Variants in PCBP2 observed in about 807,000 individuals in gnomAD.
PCBP2 encodes poly(rC)-binding protein 2.
In PCBP2, 4 loss-of-function variants were observed where a neutral mutation model predicts 50.1. The ratio of observed to expected loss-of-function variants is 0.08; its 90% CI spans 0.04 to 0.18. PCBP2 has a LOEUF of 0.18. Ranked by LOEUF, PCBP2 falls within the 10% of genes least tolerant of loss-of-function variation. The pLI, the probability that PCBP2 is intolerant of heterozygous loss-of-function variation, is 1.00. For missense variants in PCBP2, 161 were observed against 474.3 expected, an observed-to-expected ratio of 0.34 and a Z score of 6.14; for synonymous variants, 179 against 168.0, an observed-to-expected ratio of 1.07 and a Z score of -0.51.
intron 13 of PCBP2, among the ~76,000 whole-genome samples, chr12:53,469,477 T>G (rs555569732): frequency 1.3e-5 from 2 of 151,924 alleles, no homozygotes; most frequent in East Asian, 2.0e-4. Context: ...TCCCAGCACT[T>G]TGGGAGGCCG....
intron 4 of PCBP2, among the ~76,000 whole-genome samples, 160 bp from the exon 5 acceptor site, chr12:53,455,725 T>A (rs1472388690): frequency 6.6e-6 from 1 of 152,186 alleles, no homozygotes; most frequent in Non-Finnish European, 1.5e-5. Flanking sequence ...TGCTGTAGGC[T>A]ATCTTTGAGG....
intron 8 of PCBP2, 180 bp from the exon 9 acceptor site, chr12:53,464,579 AT>A: frequency 2.7e-6 from 2 of 749,148 alleles, no homozygotes; most frequent in East Asian, 6.1e-5. Context: ...GCAGTGTGAA[AT>A]CTGCCACTAG....
Position 53,462,671 on chromosome 12 carries a change from A to G in PCBP2, c.579+104A>G, listed in dbSNP as rs372477527. Reference sequence around the variant, plus strand: ...CCACTCTGCATGCTTGCTGAAACCTATACTCTGGCCATAGTTTGACCGGCT... The same window carrying G: ...CCACTCTGCATGCTTGCTGAAACCTGTACTCTGGCCATAGTTTGACCGGCT... On this transcript the variant is annotated intron_variant, in intron 8 of 14. Transcript: ENST00000546463. The G allele has an allele frequency of 2.6e-4, 217 of 821,014 alleles. 3 individuals are homozygous for G. The South Asian group carries it at 4.1e-3, about 15-fold the overall frequency. The allele number at this position is 821,014 out of a possible 1,614,324, so 50.9% of individuals were successfully genotyped here. A position where few individuals can be genotyped will look rare whatever the true frequency, so the allele number is the denominator to read the frequency against.
chr12:53,459,441 A>G (rs758216081), intron 6 of PCBP2, 38 bp downstream of exon 6: 9 of 1,580,234 alleles, frequency 5.7e-6, no homozygotes, highest in African/African-American at 2.7e-5. Context: ...AATGTTAACT[A>G]TTTGTTCCAA....
intron 11 of PCBP2, chr12:53,467,517 T>A (rs1017900354): frequency 1.6e-6 from 1 of 626,974 alleles, no homozygotes; most frequent in Non-Finnish European, 2.8e-6. Flanking sequence ...CCTGGAAGGT[T>A]TGGGGGTGAG....
rs569747501 is a variant in PCBP2, at chr12:53,466,171, C to T, written c.714+198C>T. 5.3e-5 allele frequency among the ~76,000 whole-genome samples: 8 copies of T among 152,322 alleles called. No homozygotes were observed. In the East Asian group the frequency reaches 1.5e-3, roughly 29 times the overall value. On this transcript the variant is annotated intron_variant, in intron 10 of 14. Transcript: ENST00000546463. ...TTGTTTGCCTTTTAACATTTAACCC[C>T]TGAAATTTAATTCAGCACATTAGCT... is the stretch of plus-strand genomic sequence containing the variant.
intron 13 of PCBP2, among the ~76,000 whole-genome samples, chr12:53,469,746 C>T (rs1417340443): frequency 3.4e-5 from 5 of 147,002 alleles, no homozygotes; most frequent in Non-Finnish European, 6.0e-5. Context: ...AAAGAAATTC[C>T]TGTACATTTG....
chr12:53,460,388 C>G (rs145383487), intron 6 of PCBP2: 3 of 399,370 alleles, frequency 7.5e-6, no homozygotes, highest in South Asian at 3.5e-5. Flanking sequence ...TCCGATGATT[C>G]GACTGCCTTG....
chr12:53,480,501 A>G lies in PCBP2; in HGVS notation c.*1059A>G, dbSNP rs1039857881. ...GAAAACCCTCAACAGCTGGGCCTGC[A>G]TGGAGTGTTATATTTCAAGGTTTTT... On this transcript the variant is annotated 3_prime_UTR_variant, in exon 15 of 15. Coordinates refer to ENST00000546463, the MANE Select transcript of PCBP2 (RefSeq NM_031989.5). 6.6e-6 allele frequency: 1 copy of G among 152,576 alleles called. No individual in the cohort carries two copies. Among genetic ancestry groups the G allele is most frequent in the African/African-American group, 2.4e-5 (1 of 41,424 alleles). 9.5% of individuals were successfully genotyped at this position (152,576 alleles called of 1,614,324 possible).
intron 1 of PCBP2, chr12:53,452,703 G>A (rs979902277): frequency 6.6e-6 from 1 of 151,962 alleles, no homozygotes; most frequent in Admixed American, 6.5e-5. Flanking sequence ...TGGCCGGCTT[G>A]CTGGCCGGGC....
At chr12:53,469,988 C>T (rs1022001347) in intron 13 of PCBP2, among the ~76,000 whole-genome samples, 3 of 151,286 alleles carry the variant, frequency 2.0e-5, no homozygotes, top group Non-Finnish European at 2.9e-5. Flanking sequence ...TTACGTGATC[C>T]CCCCCCTTCA....
At chr12:53,467,095 C>CT (rs1238231612) in intron 10 of PCBP2, 126 bp from the exon 11 acceptor site, 15 of 670,438 alleles carry the variant, frequency 2.2e-5, no homozygotes, top group Non-Finnish European at 2.9e-5. Context: ...CCATCCCTAC[C>CT]CTCTGTTGTA....
At chr12:53,459,126 C>A in intron 5 of PCBP2, 146 bp from the exon 6 acceptor site, 1 of 500,114 alleles carries the variant, frequency 2.0e-6, no homozygotes, top group Non-Finnish European at 3.4e-6. Flanking sequence ...TTGAGAGGGG[C>A]ATGGTATTTG....
chr12:53,472,847 C>A (rs1942332770), intron 14 of PCBP2, among the ~76,000 whole-genome samples: 2 of 152,148 alleles, frequency 1.3e-5, no homozygotes, highest in Admixed American at 1.3e-4. Flanking sequence ...GGTGCTACTA[C>A]TCTTTGTGTA....
At chr12:53,475,224 A>G (rs2137120396) in intron 14 of PCBP2, 1 of 451,292 alleles carries the variant, frequency 2.2e-6, no homozygotes, top group Non-Finnish European at 4.5e-6. Flanking sequence ...CTGATTGCAT[A>G]CCTTGAGGCA....
At chr12:53,459,595 A>G (rs1172136514) in intron 6 of PCBP2, among the ~76,000 whole-genome samples, 192 bp downstream of exon 6, 1 of 152,218 alleles carries the variant, frequency 6.6e-6, no homozygotes. Context: ...AAATTTTAAT[A>G]AATCAGAACA....
At position 53,471,787 on chromosome 12, in the gene PCBP2, T is replaced by C; in HGVS notation, c.1032T>C (p.Ala344=). ...ITGSAASISL[A]QYLINVRLSS... ...GATCTGCTGCCAGCATTAGCCTGGC[T>C]CAATATCTAATCAATGTCAGGTAAG... Residue 344 remains alanine, a synonymous_variant, in exon 14 of 15, where the codon GCT becomes GCC. Coordinates refer to ENST00000546463, the MANE Select transcript of PCBP2 (RefSeq NM_031989.5). 6.2e-7 allele frequency: 1 copy of C among 1,612,686 alleles called. No homozygotes were observed. The highest frequency in any genetic ancestry group is 8.5e-7 in the Non-Finnish European group (1 of 1,179,782).
At chr12:53,475,089 C>G in intron 14 of PCBP2, 1 of 456,540 alleles carries the variant, frequency 2.2e-6, no homozygotes, top group South Asian at 1.5e-5. Context: ...ACCCATCCCT[C>G]TCCTGGCTCT....
intron 7 of PCBP2, 126 bp from the exon 8 acceptor site, chr12:53,462,367 A>G: frequency 1.5e-6 from 1 of 653,202 alleles, no homozygotes; most frequent in South Asian, 2.3e-5. Context: ...GCCAGAGACA[A>G]TTTGGTAGGT....
Sources: allele counts gnomAD v4.1 joint callset (sites outside exome capture counted in the v4.1 genomes callset), GRCh38; gene constraint gnomAD v4.1.1; transcripts MANE v1.5; gene names NCBI Gene and HGNC (gene_info 2026-07-23, HGNC 2026-07-21).